The following PRTG variants were observed in gnomAD, a reference collection of about 807,000 sequenced individuals.
PRTG encodes the protein protogenin.
A neutral mutation model predicts 122.5 loss-of-function variants in PRTG; 67 were observed. That is an observed-to-expected ratio of 0.55 (90% CI 0.45 to 0.67). PRTG has a LOEUF of 0.67. Ranked by LOEUF, PRTG falls within the 30% of genes least tolerant of loss-of-function variation. PRTG has a pLI of 0.00. For synonymous variants in PRTG, 554 were observed against 501.1 expected, an observed-to-expected ratio of 1.11 and a Z score of -1.41; for missense variants, 1,435 against 1,415.4, an observed-to-expected ratio of 1.01 and a Z score of -0.22.
chr15:55,630,779 A>G (rs1363457282), intron 15 of PRTG, among the ~76,000 whole-genome samples: 1 of 152,216 alleles, frequency 6.6e-6, no homozygotes, highest in African/African-American at 2.4e-5. Context: ...AAATTCAACC[A>G]GAAAGTTGTT....
At chr15:55,627,332 T>G (rs1011845234) in intron 16 of PRTG, among the ~76,000 whole-genome samples, 1 of 150,256 alleles carries the variant, frequency 6.7e-6, no homozygotes, top group African/African-American at 2.4e-5. Flanking sequence ...TAAAGTTTTT[T>G]TTTTTTTTTT....
At chr15:55,633,406 A>G (rs1210269591) in intron 15 of PRTG, among the ~76,000 whole-genome samples, 1 of 152,168 alleles carries the variant, frequency 6.6e-6, no homozygotes, top group Non-Finnish European at 1.5e-5. Context: ...ACATACAAGT[A>G]TAATTTCATA....
At chr15:55,649,396 T>C (rs959771453) in intron 11 of PRTG, among the ~76,000 whole-genome samples, 2 of 134,128 alleles carry the variant, frequency 1.5e-5, no homozygotes, top group African/African-American at 5.6e-5. Flanking sequence ...ATCCATCTCA[T>C]GAGATGTTGG....
In PRTG at chr15:55,618,061, A is replaced by C. The variant is rs1368582573; in HGVS notation, c.*1951T>G. ...CAGGAGCTATAAAGGCAGGAGCAGC[A>C]TTTTTCCTTGCTGCAGACTGTTCAC... On this transcript the variant is annotated 3_prime_UTR_variant, in exon 20 of 20. Transcript: ENST00000389286. 1 of 152,126 alleles carries C rather than the reference A, an allele frequency of 6.6e-6. No individual in the cohort carries two copies. Among genetic ancestry groups the C allele is most frequent in the African/African-American group, 2.4e-5 (1 of 41,418 alleles). The allele number at this position is 152,126 out of a possible 1,614,324, so 9.4% of individuals were successfully genotyped here. A position where few individuals can be genotyped will look rare whatever the true frequency, so the allele number is the denominator to read the frequency against.
At chr15:55,627,323 A>G (rs1215417156) in intron 16 of PRTG, among the ~76,000 whole-genome samples, 195 bp from the exon 17 acceptor site, 2 of 145,666 alleles carry the variant, frequency 1.4e-5, no homozygotes, top group Non-Finnish European at 3.0e-5. Context: ...TTCCAATATT[A>G]AAGTTTTTTT....
rs2059523052 is a variant in PRTG, at chr15:55,679,271, A to G, written c.1133+15T>C. 2 of 1,584,360 alleles carry G rather than the reference A, an allele frequency of 1.3e-6. No homozygotes were observed. The highest frequency in any genetic ancestry group is 3.4e-5 in the Admixed American group (2 of 59,130). On this transcript the variant is annotated intron_variant, in intron 7 of 19. Transcript: ENST00000389286. ...TATATCATATATAAAATGGTAGCAA[A>G]GTTACACAGCCTACCTGTTGTACAT...
At chr15:55,620,464 A>G (rs1347910872) in intron 19 of PRTG, among the ~76,000 whole-genome samples, 198 bp from the exon 20 acceptor site, 1 of 152,092 alleles carries the variant, frequency 6.6e-6, no homozygotes. Context: ...CCCCACTGAA[A>G]ACCACAGCTC....
chr15:55,713,406 A>T (rs1368023455), intron 2 of PRTG, among the ~76,000 whole-genome samples: 1 of 152,192 alleles, frequency 6.6e-6, no homozygotes, highest in African/African-American at 2.4e-5. Flanking sequence ...TTTATTGCAA[A>T]AGATGCTTCA....
chr15:55,632,156 T>TC (rs2059231246), intron 15 of PRTG, among the ~76,000 whole-genome samples: 1 of 152,166 alleles, frequency 6.6e-6, no homozygotes, highest in African/African-American at 2.4e-5. Context: ...TTAATCAGCC[T>TC]CTCTGCATGG....
intron 2 of PRTG, chr15:55,738,328 A>G (rs1357135089): frequency 5.4e-6 from 3 of 560,004 alleles, no homozygotes; most frequent in Non-Finnish European, 9.4e-6. Flanking sequence ...ATCACACACC[A>G]TTCACATTTT....
In PRTG at chr15:55,680,739, T is replaced by G. The variant is rs535964200; in HGVS notation, c.677-111A>C. ...TCACTTTTCTTTTTTTAAAACAACT[T>G]TATTGAGATATAACTCACATACCAT... is the stretch of plus-strand genomic sequence containing the variant. On this transcript the variant is annotated intron_variant, in intron 4 of 19. Transcript: ENST00000389286. 9.2e-6 allele frequency: 6 copies of G among 649,858 alleles called. No individual in the cohort carries two copies. The African/African-American group carries it at 1.1e-4, about 12-fold the overall frequency. The allele number at this position is 649,858 out of a possible 1,614,324, so 40.3% of individuals were successfully genotyped here. A position where few individuals can be genotyped will look rare whatever the true frequency, so the allele number is the denominator to read the frequency against.
Position 55,614,643 on chromosome 15 carries a change from A to G in PRTG, c.*5369T>C, listed in dbSNP as rs1717665444. 1 of 152,170 alleles carries G rather than the reference A, an allele frequency of 6.6e-6. No homozygotes were observed. 9.4% of individuals were successfully genotyped at this position (152,170 alleles called of 1,614,324 possible). On this transcript the variant is annotated 3_prime_UTR_variant, in exon 20 of 20. Coordinates refer to ENST00000389286, the MANE Select transcript of PRTG (RefSeq NM_173814.6). ...CAAATATTTAGGACACTTGCTGATA[A>G]ACATGAGATGTTATTTTATGAAGCA... is the stretch of plus-strand genomic sequence containing the variant.
intron 11 of PRTG, among the ~76,000 whole-genome samples, chr15:55,668,734 C>A (rs1375365459): frequency 3.3e-5 from 5 of 152,050 alleles, no homozygotes; most frequent in Non-Finnish European, 7.4e-5. Context: ...TAAAATCAAA[C>A]AAGCTAACAT....
At chr15:55,726,032 C>T (rs1401891901) in intron 2 of PRTG, among the ~76,000 whole-genome samples, 1 of 152,012 alleles carries the variant, frequency 6.6e-6, no homozygotes, top group African/African-American at 2.4e-5. Flanking sequence ...CAACTTCCGC[C>T]TCCCAGGTTC....
chr15:55,642,826 C>T (rs1298156999), intron 11 of PRTG, among the ~76,000 whole-genome samples: 2 of 152,110 alleles, frequency 1.3e-5, no homozygotes, highest in East Asian at 3.9e-4. Flanking sequence ...CAGTAACTCA[C>T]ACCTGTAACC....
intron 2 of PRTG, among the ~76,000 whole-genome samples, chr15:55,709,576 C>T (rs7162371): frequency 0.59 from 89,578 of 151,666 alleles, 27,473 homozygotes; most frequent in Non-Finnish European, 0.69. Flanking sequence ...ATGACTTATA[C>T]ATGAATATTC....
At chr15:55,736,380 C>CT (rs68147473) in intron 2 of PRTG, among the ~76,000 whole-genome samples, 16,286 of 147,550 alleles carry the variant, frequency 0.11, 939 homozygotes, top group Non-Finnish European at 0.14. Flanking sequence ...ACTTCCCCAT[C>CT]TTTTTTTTTT....
chr15:55,647,729 A>G (rs1310008632), intron 11 of PRTG, among the ~76,000 whole-genome samples: 2 of 152,218 alleles, frequency 1.3e-5, no homozygotes, highest in African/African-American at 4.8e-5. Flanking sequence ...CAAACTTAAC[A>G]CATTTTGGAA....
At chr15:55,630,895 G>C (rs1186073726) in intron 15 of PRTG, among the ~76,000 whole-genome samples, 1 of 152,126 alleles carries the variant, frequency 6.6e-6, no homozygotes, top group Non-Finnish European at 1.5e-5. Context: ...TAGCTTCAAA[G>C]AGTTTACAAT....
Sources: allele counts gnomAD v4.1 joint callset (sites outside exome capture counted in the v4.1 genomes callset), GRCh38; gene constraint gnomAD v4.1.1; transcripts MANE v1.5; gene names NCBI Gene and HGNC (gene_info 2026-07-23, HGNC 2026-07-21).